CA8: variants seen among roughly 807,000 people sequenced by gnomAD.
CA8 encodes carbonic anhydrase 8 (inactive).
CA8 carries 22 observed loss-of-function variants against 41.4 expected under a neutral mutation model. That is an observed-to-expected ratio of 0.53 (90% CI 0.38 to 0.76). The LOEUF (loss-of-function observed/expected upper bound fraction) is 0.76. Among genes scored for constraint, CA8 ranks in the 30% least tolerant of loss-of-function variants. The pLI is 0.00. For missense variants in CA8, 270 were observed against 352.8 expected, an observed-to-expected ratio of 0.77 and a Z score of 1.88; for synonymous variants, 121 against 130.6, an observed-to-expected ratio of 0.93 and a Z score of 0.50.
At chr8:60,220,594 T>C (rs1807209767) in intron 7 of CA8, among the ~76,000 whole-genome samples, 1 of 152,166 alleles carries the variant, frequency 6.6e-6, no homozygotes, top group Non-Finnish European at 1.5e-5. Context: ...AGACCCCTGG[T>C]CCTTAGTTCC....
At chr8:60,199,559 G>A (rs1055877514) in intron 8 of CA8, among the ~76,000 whole-genome samples, 5 of 152,266 alleles carry the variant, frequency 3.3e-5, no homozygotes, top group Middle Eastern at 3.4e-3. Context: ...CTGAAATGGA[G>A]AACAGACCCA....
intron 2 of CA8, among the ~76,000 whole-genome samples, chr8:60,267,609 G>A (rs984234095): frequency 1.3e-5 from 2 of 152,150 alleles, no homozygotes; most frequent in African/African-American, 4.8e-5. Flanking sequence ...GGCTGAATGT[G>A]ACCTGCCACA....
At chr8:60,258,812 T>G (rs779249949) in intron 3 of CA8, among the ~76,000 whole-genome samples, 4 of 152,056 alleles carry the variant, frequency 2.6e-5, no homozygotes, top group Non-Finnish European at 4.4e-5. Flanking sequence ...CTATGAAAAT[T>G]TAATGCCACC....
chr8:60,206,925 T>C (rs1806606472), intron 8 of CA8, among the ~76,000 whole-genome samples: 1 of 152,004 alleles, frequency 6.6e-6, no homozygotes, highest in Admixed American at 6.6e-5. Flanking sequence ...ACAAGTTCTA[T>C]TTCTTTTGTT....
Position 60,209,416 on chromosome 8 carries a change from C to T in CA8, c.739-497G>A, listed in dbSNP as rs190412055. On this transcript the variant is annotated intron_variant, in intron 7 of 8. Transcript: ENST00000317995. Reference sequence around the variant, plus strand: ...GGAGAAATCACTTGAACCCATGAGGCGGAGGTTGCAGTGAGCCGAGATCAC... The same window carrying T: ...GGAGAAATCACTTGAACCCATGAGGTGGAGGTTGCAGTGAGCCGAGATCAC... Among the ~76,000 whole-genome samples, 61 of 151,344 alleles carry T rather than the reference C, an allele frequency of 4.0e-4. 1 individual carries two copies. The highest frequency in any genetic ancestry group is 8.0e-4 in the African/African-American group (33 of 41,168).
chr8:60,277,473 C>T (rs1168449252), intron 2 of CA8, among the ~76,000 whole-genome samples: 1 of 152,036 alleles, frequency 6.6e-6, no homozygotes, highest in Non-Finnish European at 1.5e-5. Flanking sequence ...CCTGCCTCAA[C>T]GCCCCAAGTA....
At chr8:60,253,917 A>G (rs1368754862) in intron 3 of CA8, among the ~76,000 whole-genome samples, 1 of 152,104 alleles carries the variant, frequency 6.6e-6, no homozygotes, top group Non-Finnish European at 1.5e-5. Context: ...TTTTTCATAT[A>G]TAGTAGCCAC....
chr8:60,267,854 T>C (rs1326593262), intron 2 of CA8, among the ~76,000 whole-genome samples: 2 of 152,172 alleles, frequency 1.3e-5, no homozygotes, highest in African/African-American at 4.8e-5. Context: ...TCAGAAAGGT[T>C]TGTAGATATT....
At chr8:60,197,346 T>C (rs947772353) in intron 8 of CA8, among the ~76,000 whole-genome samples, 4 of 152,022 alleles carry the variant, frequency 2.6e-5, no homozygotes, top group Non-Finnish European at 5.9e-5. Context: ...CATATATATG[T>C]AACCATATGA....
At chr8:60,204,099 C>G (rs1043870017) in intron 8 of CA8, among the ~76,000 whole-genome samples, 1 of 152,228 alleles carries the variant, frequency 6.6e-6, no homozygotes, top group Non-Finnish European at 1.5e-5. Context: ...CACCTACTTA[C>G]AGGAAAGGTC....
intron 4 of CA8, among the ~76,000 whole-genome samples, chr8:60,227,167 TG>T (rs2130480909): frequency 6.6e-6 from 1 of 152,156 alleles, no homozygotes; most frequent in Non-Finnish European, 1.5e-5. Context: ...GGCACACCCC[TG>T]AAGTCCCAGC....
intron 2 of CA8, among the ~76,000 whole-genome samples, chr8:60,279,077 G>A (rs1420969007): frequency 1.3e-5 from 2 of 152,004 alleles, no homozygotes; most frequent in Non-Finnish European, 2.9e-5. Flanking sequence ...ATCTCAAATA[G>A]GTTTGCAAGT....
chr8:60,277,514 C>T (rs1434646941), intron 2 of CA8, among the ~76,000 whole-genome samples: 19 of 152,070 alleles, frequency 1.2e-4, no homozygotes, highest in Admixed American at 1.2e-3. Flanking sequence ...CCACCATGCC[C>T]AGCTAATTTT....
At chr8:60,261,787 C>T (rs1803741704) in intron 3 of CA8, among the ~76,000 whole-genome samples, 1 of 152,216 alleles carries the variant, frequency 6.6e-6, no homozygotes, top group Non-Finnish European at 1.5e-5. Context: ...TGGTGGCTCA[C>T]TGCAAGCTCC....
intron 2 of CA8, among the ~76,000 whole-genome samples, chr8:60,269,727 C>T (rs1804009584): frequency 6.6e-6 from 1 of 152,314 alleles, no homozygotes; most frequent in African/African-American, 2.4e-5. Context: ...CAACTCGACA[C>T]CTGGCCCTGT....
chr8:60,202,510 G>A (rs1806463663), intron 8 of CA8, among the ~76,000 whole-genome samples: 1 of 152,084 alleles, frequency 6.6e-6, no homozygotes, highest in Non-Finnish European at 1.5e-5. Context: ...TACTACTGGA[G>A]GGTTTCCATG....
intron 5 of CA8, 93 bp downstream of exon 5, chr8:60,226,780 G>A (rs1259965837): frequency 4.1e-6 from 3 of 736,652 alleles, no homozygotes; most frequent in African/African-American, 3.5e-5. Context: ...TCTGAGATCT[G>A]TGAGTCCTTC....
intron 8 of CA8, among the ~76,000 whole-genome samples, chr8:60,192,722 G>T (rs931109993): frequency 6.6e-6 from 1 of 151,934 alleles, no homozygotes; most frequent in Non-Finnish European, 1.5e-5. Flanking sequence ...GCATATAAAG[G>T]CTTAAAGTTT....
intron 3 of CA8, among the ~76,000 whole-genome samples, chr8:60,254,842 C>T (rs1808570322): frequency 6.6e-6 from 1 of 152,160 alleles, no homozygotes; most frequent in Non-Finnish European, 1.5e-5. Context: ...CCAAACCCTA[C>T]TGCTAAATTA....
Sources: allele counts gnomAD v4.1 joint callset (sites outside exome capture counted in the v4.1 genomes callset), GRCh38; gene constraint gnomAD v4.1.1; transcripts MANE v1.5; gene names NCBI Gene and HGNC (gene_info 2026-07-23, HGNC 2026-07-21).